PAPPA: variants seen among roughly 807,000 people sequenced by gnomAD.
PAPPA encodes the protein pappalysin-1.
A neutral mutation model predicts 164.0 loss-of-function variants in PAPPA; 60 were observed. That is an observed-to-expected ratio of 0.37 (90% CI 0.30 to 0.45). PAPPA has a LOEUF of 0.45. PAPPA is among the 20% of genes least tolerant of loss of function. PAPPA has a pLI of 1.00. For missense variants in PAPPA, 1,782 were observed against 2,087.3 expected (o/e 0.85, Z 2.85); for synonymous variants, 875 against 814.1 (o/e 1.07, Z -1.27).
Position 116,302,903 on chromosome 9 carries a change from C to T in PAPPA, c.3100C>T (p.Gln1034Ter). 1 of 1,614,028 alleles carries T rather than the reference C, an allele frequency of 6.2e-7. No individual in the cohort carries two copies. Among genetic ancestry groups the T allele is most frequent in the Non-Finnish European group, 8.5e-7 (1 of 1,179,960 alleles). ...CAATGCTTCAGTATCTCATCAAGAC[C>T]AGCAATGCCCAGGCTGGGTCATCAT... is the stretch of plus-strand genomic sequence containing the variant. ...ASNASVSHQD[Q>*]QCPGWVIIGQ... is the part of the protein sequence containing the mutation. The change falls in exon 10 of 22, where the codon CAG (glutamine) becomes TAG (stop). Residue 1034 changes from glutamine (Q) to a stop codon, truncating the protein, a stop_gained. Transcript: ENST00000328252. LOFTEE classifies it high-confidence loss of function.
chr9:116,337,831 C>T (rs1021748997), intron 13 of PAPPA, among the ~76,000 whole-genome samples: 2 of 152,106 alleles, frequency 1.3e-5, no homozygotes, highest in African/African-American at 4.8e-5. Context: ...CAATGTGTTC[C>T]ACTCTAGCTT....
At chr9:116,390,009 AGGT>A (rs1846869805) in intron 21 of PAPPA, among the ~76,000 whole-genome samples, 1 of 152,192 alleles carries the variant, frequency 6.6e-6, no homozygotes, top group Non-Finnish European at 1.5e-5. Context: ...GTCCAATAGT[AGGT>A]ACTCAACACC....
At chr9:116,346,023 G>A (rs867522180) in intron 14 of PAPPA, among the ~76,000 whole-genome samples, 1 of 152,264 alleles carries the variant, frequency 6.6e-6, no homozygotes, top group Non-Finnish European at 1.5e-5. Context: ...ACCTACTTCC[G>A]TGTGTCAGAC....
At chr9:116,231,366 G>A (rs912008871) in intron 6 of PAPPA, among the ~76,000 whole-genome samples, 2 of 149,626 alleles carry the variant, frequency 1.3e-5, no homozygotes, top group African/African-American at 2.5e-5. Context: ...TTCCCTTCTC[G>A]CTTTGTTTCT....
rs1283903084 is a variant in PAPPA at position 116,267,926 on chromosome 9, A to T, written c.2861+1941A>T. Among the ~76,000 whole-genome samples, 5 of 151,642 alleles carry T rather than the reference A, an allele frequency of 3.3e-5. No individual in the cohort carries two copies. In the East Asian group the frequency reaches 7.7e-4, roughly 23 times the overall value. On this transcript the variant is annotated intron_variant, in intron 8 of 21. Transcript: ENST00000328252. ...AAAAAAAAAGAAATGGCATTAAAAA[A>T]ATATTGGCACTGATGAGGCAAGTAA...
rs1847059104 is a variant in PAPPA, at chr9:116,401,723, T to A, written c.*5107T>A. ...TACCTTTTTATTATTGTTATAATTA[T>A]TATGGGTATTTCTAATTAATATGAT... On this transcript the variant is annotated 3_prime_UTR_variant, in exon 22 of 22. Coordinates refer to ENST00000328252, the MANE Select transcript of PAPPA (RefSeq NM_002581.5). 1 of 151,548 alleles carries A rather than the reference T, an allele frequency of 6.6e-6. No homozygotes were observed. The highest frequency in any genetic ancestry group is 1.5e-5 in the Non-Finnish European group (1 of 67,820). The allele number at this position is 151,548 out of a possible 1,614,324, so 9.4% of individuals were successfully genotyped here.
At chr9:116,391,455 C>T (rs767953357) in intron 21 of PAPPA, among the ~76,000 whole-genome samples, 14 of 152,196 alleles carry the variant, frequency 9.2e-5, no homozygotes, top group African/African-American at 3.1e-4. Context: ...CCTCTCCAAC[C>T]GGCACCCCCA....
intron 21 of PAPPA, 54 bp downstream of exon 21, chr9:116,382,547 T>G: frequency 9.3e-7 from 1 of 1,074,330 alleles, no homozygotes; most frequent in Non-Finnish European, 1.5e-6. Flanking sequence ...CTCCAGCTTG[T>G]GGGGCCAGGA....
intron 1 of PAPPA, among the ~76,000 whole-genome samples, chr9:116,155,920 GGAA>G (rs755089964): frequency 5.3e-5 from 8 of 151,658 alleles, no homozygotes; most frequent in East Asian, 1.9e-4. Flanking sequence ...TTTTCCTCCG[GGAA>G]GAAGAAGGAG....
intron 5 of PAPPA, among the ~76,000 whole-genome samples, chr9:116,227,033 A>G (rs374281199): frequency 1.2e-4 from 18 of 152,204 alleles, no homozygotes; most frequent in East Asian, 7.7e-4. Flanking sequence ...TAGGTACCTG[A>G]TAAATATTGT....
In PAPPA at chr9:116,187,567, G is replaced by A. The variant is rs374755308; in HGVS notation, c.829G>A (p.Ala277Thr). The change falls in exon 2 of 22, where the codon GCC becomes ACC. Residue 277 changes from alanine (A) to threonine (T), a missense_variant. Ala to Thr is a moderately conservative substitution (Grantham distance 58). Transcript: ENST00000328252. The surrounding 1 kb of genome is among the most constrained non-coding windows in gnomAD (Gnocchi z 4.2). ...EILSDMETHGAHTALPQLLLQ... is the reference protein window; with the variant it reads ...EILSDMETHGTHTALPQLLLQ... ...ACTGTCTGACATGGAAACCCATGGC[G>A]CCCACACTGCTCTACCTCAGCTCCT... The A allele has an allele frequency of 6.2e-6, 10 of 1,614,030 alleles. No homozygotes were observed. Among genetic ancestry groups the A allele is most frequent in the East Asian group, 2.2e-5 (1 of 44,872 alleles).
intron 3 of PAPPA, among the ~76,000 whole-genome samples, chr9:116,209,358 T>A (rs1240539109): frequency 6.6e-6 from 1 of 152,132 alleles, no homozygotes; most frequent in African/African-American, 2.4e-5. Context: ...AATAAGCAGG[T>A]CCTAGGAGGC....
At position 116,278,092 on chromosome 9, in the gene PAPPA, C is replaced by A. The variant is rs552566491; in HGVS notation, c.2953+6676C>A. ...AGATTTAGTAACTTGCCTACAGTTA[C>A]ACAGAGACATAGCAGACGTGAGATT... On this transcript the variant is annotated intron_variant, in intron 9 of 21. Transcript: ENST00000328252. 4.0e-4 allele frequency among the ~76,000 whole-genome samples: 61 copies of A among 152,340 alleles called. No homozygotes were observed. In the South Asian group the frequency reaches 6.0e-3, roughly 15 times the overall value.
chr9:116,278,293 C>T lies in PAPPA; in HGVS notation c.2953+6877C>T, dbSNP rs563859043. On this transcript the variant is annotated intron_variant, in intron 9 of 21. Transcript: ENST00000328252. ...CATTTTGCTGGTCAGAAAATTGAGG[C>T]GTTGAGAGGTTAAGTGAATATCCAA... Among the ~76,000 whole-genome samples, 233 of 152,218 alleles carry T rather than the reference C, an allele frequency of 1.5e-3. 1 individual carries two copies. The highest frequency in any genetic ancestry group is 2.3e-3 in the Non-Finnish European group (155 of 68,012).
chr9:116,359,869 T>C (rs1846401453), intron 17 of PAPPA, among the ~76,000 whole-genome samples: 1 of 152,246 alleles, frequency 6.6e-6, no homozygotes, highest in Admixed American at 6.5e-5. Flanking sequence ...AACCTACCAG[T>C]ATGCCTTGTT....
At chr9:116,191,422 A>G (rs1017340810) in intron 2 of PAPPA, among the ~76,000 whole-genome samples, 2 of 152,144 alleles carry the variant, frequency 1.3e-5, no homozygotes, top group African/African-American at 4.8e-5. Context: ...ATCTTATTCC[A>G]TTTCATATCA....
intron 9 of PAPPA, among the ~76,000 whole-genome samples, chr9:116,289,782 A>G (rs1405608805): frequency 6.6e-6 from 1 of 152,174 alleles, no homozygotes; most frequent in Non-Finnish European, 1.5e-5. Context: ...TTCTGCTCTC[A>G]AGGAGTTGCC....
At chr9:116,356,039 A>G (rs949227912) in intron 17 of PAPPA, among the ~76,000 whole-genome samples, 26 of 152,286 alleles carry the variant, frequency 1.7e-4, no homozygotes, top group Admixed American at 7.2e-4. Context: ...TGGAGCAGGG[A>G]TTCTTTGCTT....
chr9:116,181,960 C>T (rs1160248), intron 1 of PAPPA, among the ~76,000 whole-genome samples: 75,685 of 152,166 alleles, frequency 0.5, 20,343 homozygotes, highest in Non-Finnish European at 0.61. Context: ...TGTGGGGGTG[C>T]TGCAGAACTT....
Sources: allele counts gnomAD v4.1 joint callset (sites outside exome capture counted in the v4.1 genomes callset), GRCh38; gene constraint gnomAD v4.1.1; non-coding constraint Gnocchi (gnomAD v3.1); transcripts MANE v1.5; gene names NCBI Gene and HGNC (gene_info 2026-07-23, HGNC 2026-07-21).